Variants in MYRIP observed in about 807,000 individuals in gnomAD.
The protein encoded by MYRIP is myosin VIIA and Rab interacting protein.
A neutral mutation model predicts 98.0 loss-of-function variants in MYRIP; 49 were observed. The observed-to-expected ratio is 0.50, with a 90% CI of 0.40 to 0.63. The LOEUF is 0.63. Among genes scored for constraint, MYRIP ranks in the 30% least tolerant of loss-of-function variants. The probability of loss-of-function intolerance (pLI) is 0.00; values close to 1 mark genes in which losing one functional copy is unlikely to be tolerated. For missense variants in MYRIP, 1,004 were observed against 1,058.2 expected, an observed-to-expected ratio of 0.95 and a Z score of 0.71; for synonymous variants, 404 against 409.5, an observed-to-expected ratio of 0.99 and a Z score of 0.16.
At chr3:40,246,785 G>A (rs1953220925) in intron 13 of MYRIP, among the ~76,000 whole-genome samples, 1 of 152,078 alleles carries the variant, frequency 6.6e-6, no homozygotes, top group South Asian at 2.1e-4. Flanking sequence ...TATTTTAAAA[G>A]TAAATATTTT....
chr3:40,113,026 C>G (rs60176965), intron 3 of MYRIP, among the ~76,000 whole-genome samples: 3,584 of 152,322 alleles, frequency 0.024, 93 homozygotes, highest in African/African-American at 0.06. Context: ...TTTTCCATCT[C>G]TAGTCCAGAC....
intron 1 of MYRIP, among the ~76,000 whole-genome samples, chr3:39,859,151 G>A (rs1161583295): frequency 1.4e-5 from 2 of 146,384 alleles, no homozygotes; most frequent in Admixed American, 6.8e-5. Context: ...CTAGACTAAC[G>A]AAAGATGGAG....
At chr3:40,036,018 C>G (rs1435981035) in intron 2 of MYRIP, among the ~76,000 whole-genome samples, 2 of 151,700 alleles carry the variant, frequency 1.3e-5, no homozygotes, top group Non-Finnish European at 2.9e-5. Context: ...CATGGAAGAA[C>G]AGAAAAGCTT....
chr3:39,847,487 T>A (rs1159761465), intron 1 of MYRIP, among the ~76,000 whole-genome samples: 1 of 152,192 alleles, frequency 6.6e-6, no homozygotes, highest in Non-Finnish European at 1.5e-5. Context: ...GGTTGTATAG[T>A]CATAGCTGGT....
chr3:39,976,575 T>G (rs935637347), intron 2 of MYRIP, among the ~76,000 whole-genome samples: 6 of 152,082 alleles, frequency 3.9e-5, no homozygotes, highest in African/African-American at 2.4e-5. Flanking sequence ...AAATCATGCT[T>G]CTATAAAGAC....
chr3:39,970,765 TTGTG>T (rs1945561082), intron 2 of MYRIP, among the ~76,000 whole-genome samples: 1 of 152,144 alleles, frequency 6.6e-6, no homozygotes, highest in Admixed American at 6.6e-5. Flanking sequence ...GATAATAACA[TTGTG>T]AGTAGTAATT....
At chr3:40,075,326 C>T (rs1222194470) in intron 3 of MYRIP, among the ~76,000 whole-genome samples, 1 of 152,050 alleles carries the variant, frequency 6.6e-6, no homozygotes, top group East Asian at 1.9e-4. Context: ...TTTCTAATGC[C>T]TAAGAAAAAC....
chr3:40,256,501 ATC>A (rs977173663), intron 16 of MYRIP, among the ~76,000 whole-genome samples: 1 of 152,120 alleles, frequency 6.6e-6, no homozygotes, highest in African/African-American at 2.4e-5. Flanking sequence ...TATAGAAATG[ATC>A]TCTCTACATC....
Position 40,244,078 on chromosome 3 carries a change from G to A in MYRIP, c.2101-368G>A, listed in dbSNP as rs1345086414. 1.3e-5 allele frequency among the ~76,000 whole-genome samples: 2 copies of A among 152,032 alleles called. 1 individual carries two copies. The highest frequency in any genetic ancestry group is 2.9e-5 in the Non-Finnish European group (2 of 68,006). On this transcript the variant is annotated intron_variant, in intron 12 of 16. Coordinates refer to ENST00000302541, the MANE Select transcript of MYRIP (RefSeq NM_015460.4). ...AATTACTAAATGCCAACCAAAAATT[G>A]TATTGGCAAAACTCCATCATGAGTC...
At chr3:40,129,015 T>A (rs1371033791) in intron 3 of MYRIP, among the ~76,000 whole-genome samples, 1 of 152,174 alleles carries the variant, frequency 6.6e-6, no homozygotes, top group Non-Finnish European at 1.5e-5. Context: ...ATTATTCAAT[T>A]CCTCTTCAAA....
At position 40,189,808 on chromosome 3, in the gene MYRIP, T is replaced by A; in HGVS notation, c.1028-18T>A. Reference sequence around the variant, plus strand: ...GATAACAGCCCCTCTCTGCTTTCTCTATCCTCTCCATCCACAGACCTGGCC... The same window carrying A: ...GATAACAGCCCCTCTCTGCTTTCTCAATCCTCTCCATCCACAGACCTGGCC... On this transcript the variant is annotated intron_variant, in intron 9 of 16. Transcript: ENST00000302541. The A allele has an allele frequency of 6.3e-7, 1 of 1,589,798 alleles. No individual in the cohort carries two copies. Among genetic ancestry groups the A allele is most frequent in the Non-Finnish European group, 8.6e-7 (1 of 1,169,470 alleles).
chr3:39,972,505 T>A (rs1314730292), intron 2 of MYRIP, among the ~76,000 whole-genome samples: 1 of 152,100 alleles, frequency 6.6e-6, no homozygotes, highest in Non-Finnish European at 1.5e-5. Context: ...TAATAAACAT[T>A]GCTTTTTAAG....
intron 2 of MYRIP, among the ~76,000 whole-genome samples, chr3:39,997,300 G>A (rs79431195): frequency 0.1 from 15,289 of 151,694 alleles, 1,341 homozygotes; most frequent in African/African-American, 0.23. Flanking sequence ...GACTAATAAA[G>A]AAGAAAAGAG....
chr3:40,012,128 G>A (rs141939809), intron 2 of MYRIP, among the ~76,000 whole-genome samples: 3 of 152,158 alleles, frequency 2.0e-5, no homozygotes, highest in African/African-American at 4.8e-5. Context: ...TAATATCATG[G>A]AAATCTGGAT....
At chr3:40,026,492 C>T (rs926546780) in intron 2 of MYRIP, among the ~76,000 whole-genome samples, 4 of 152,062 alleles carry the variant, frequency 2.6e-5, no homozygotes, top group African/African-American at 7.2e-5. Context: ...CCTCAGCTTA[C>T]AAAGGTAACA....
At chr3:40,094,091 C>A (rs1342696202) in intron 3 of MYRIP, among the ~76,000 whole-genome samples, 1 of 152,126 alleles carries the variant, frequency 6.6e-6, no homozygotes, top group South Asian at 2.1e-4. Flanking sequence ...CTGTTCAGAC[C>A]TCCCCTCCAT....
At chr3:40,198,222 C>CAGT (rs34709003) in intron 10 of MYRIP, among the ~76,000 whole-genome samples, 59,628 of 151,932 alleles carry the variant, frequency 0.39, 13,012 homozygotes, top group Non-Finnish European at 0.5. Flanking sequence ...GCACCGAGGG[C>CAGT]AGTTGGAAGT....
rs369888113 is a variant in MYRIP, at chr3:40,013,994, G to T, written c.111-30056G>T. ...ACTAAAATCTATTGATGTACCATAA[G>T]CATTAAATTTATTCATAAGCATAAC... On this transcript the variant is annotated intron_variant, in intron 2 of 16. Coordinates refer to ENST00000302541, the MANE Select transcript of MYRIP (RefSeq NM_015460.4). Among the ~76,000 whole-genome samples the T allele has an allele frequency of 5.8e-4, 88 of 152,324 alleles. 1 individual carries two copies. Among genetic ancestry groups the T allele is most frequent in the African/African-American group, 1.9e-3 (79 of 41,584 alleles).
At chr3:39,990,499 A>G (rs946739427) in intron 2 of MYRIP, among the ~76,000 whole-genome samples, 2 of 152,244 alleles carry the variant, frequency 1.3e-5, no homozygotes, top group African/African-American at 4.8e-5. Context: ...CACTGCTCAT[A>G]GAATTATTTT....
Sources: gnomAD v4.1 joint callset for allele counts (sites outside exome capture counted in the v4.1 genomes callset) on GRCh38, gnomAD v4.1.1 for gene constraint, MANE v1.5 for transcripts, NCBI Gene and HGNC (gene_info 2026-07-23, HGNC 2026-07-21) for gene names.